Variants in LDHAL6A observed in about 807,000 individuals in gnomAD.
LDHAL6A encodes lactate dehydrogenase A like 6A, also known as L-lactate dehydrogenase A-like 6A.
In LDHAL6A, 19 loss-of-function variants were observed where a neutral mutation model predicts 28.2. The ratio of observed to expected loss-of-function variants is 0.67; its 90% confidence interval spans 0.47 to 0.99. LDHAL6A has a LOEUF of 0.99. LDHAL6A is among the 50% of genes least tolerant of loss of function. LDHAL6A has a pLI of 0.00. For missense variants in LDHAL6A, 372 were observed against 398.6 expected (o/e 0.93, Z 0.57); for synonymous variants, 144 against 134.4 (o/e 1.07, Z -0.49).
chr11:18,471,461 T>C (rs1388045176), intron 3 of LDHAL6A, among the ~76,000 whole-genome samples: 1 of 151,404 alleles, frequency 6.6e-6, no homozygotes, highest in Non-Finnish European at 1.5e-5. Flanking sequence ...CTACCCACCT[T>C]GACCTCCCGA....
chr11:18,467,969 GTA>G (rs1196445004), intron 3 of LDHAL6A, among the ~76,000 whole-genome samples: 3 of 56,834 alleles, frequency 5.3e-5, no homozygotes, highest in Non-Finnish European at 8.3e-5. Flanking sequence ...ATATATATAC[GTA>G]TATATATACG....
At chr11:18,469,853 A>G (rs190956390) in intron 3 of LDHAL6A, among the ~76,000 whole-genome samples, 1 of 152,288 alleles carries the variant, frequency 6.6e-6, no homozygotes, top group Non-Finnish European at 1.5e-5. Flanking sequence ...AAAAACAAAA[A>G]CTGACAACTT....
At chr11:18,465,206 C>T (rs1337116075) in intron 2 of LDHAL6A, among the ~76,000 whole-genome samples, 1 of 151,664 alleles carries the variant, frequency 6.6e-6, no homozygotes, top group Non-Finnish European at 1.5e-5. Flanking sequence ...GATCTTGGCT[C>T]ACTGCCTCCA....
intron 1 of LDHAL6A, among the ~76,000 whole-genome samples, chr11:18,460,832 T>C (rs1196345719): frequency 6.6e-6 from 1 of 152,190 alleles, no homozygotes; most frequent in Non-Finnish European, 1.5e-5. Context: ...GCTTGGTTAT[T>C]TCTTTCCTTT....
At position 18,456,735 on chromosome 11, in the gene LDHAL6A, C is replaced by T. The variant is rs2133856863; in HGVS notation, c.55C>T (p.His19Tyr). Residue 19 changes from histidine (H) to tyrosine (Y), a missense_variant, in exon 1 of 7, where the codon CAT becomes TAT. His to Tyr is a moderately conservative substitution (Grantham distance 83, BLOSUM62 2). Transcript: ENST00000280706. ...IKNFAEEEAI[H>Y]HNKISIVGTG... The stretch of plus-strand genomic sequence containing the variant: ...GAATTTCGCGGAAGAGGAGGCCATT[C>T]ATCACAATAAGATCTCCATTGTAGG... 1.9e-6 allele frequency: 3 copies of T among 1,613,508 alleles called. No individual in the cohort carries two copies. In the South Asian group the frequency reaches 3.3e-5, roughly 18 times the overall value.
chr11:18,460,346 C>A (rs1383498525), intron 1 of LDHAL6A, among the ~76,000 whole-genome samples: 1 of 151,962 alleles, frequency 6.6e-6, no homozygotes, highest in Non-Finnish European at 1.5e-5. Flanking sequence ...AATCCCAGCA[C>A]TTTGGGAGGC....
chr11:18,459,410 G>C (rs1848840867), intron 1 of LDHAL6A, among the ~76,000 whole-genome samples: 1 of 152,178 alleles, frequency 6.6e-6, no homozygotes, highest in East Asian at 1.9e-4. Flanking sequence ...CGGGCCTTTG[G>C]CTACAGACTG....
chr11:18,470,528 T>G (rs1849232243), intron 3 of LDHAL6A, among the ~76,000 whole-genome samples: 1 of 152,224 alleles, frequency 6.6e-6, no homozygotes, highest in Non-Finnish European at 1.5e-5. Flanking sequence ...TAGAAGTTCT[T>G]AAGTTCCTTT....
intron 3 of LDHAL6A, among the ~76,000 whole-genome samples, chr11:18,474,627 T>A (rs959757420): frequency 6.6e-6 from 1 of 152,118 alleles, no homozygotes; most frequent in African/African-American, 2.4e-5. Context: ...CCTCAGGTAA[T>A]CCACTGGCTT....
intron 2 of LDHAL6A, among the ~76,000 whole-genome samples, chr11:18,464,977 G>GTTTTGTT (rs1849014648): frequency 1.6e-5 from 2 of 125,490 alleles, no homozygotes; most frequent in African/African-American, 6.7e-5. Flanking sequence ...TGTTTTTTTT[G>GTTTTGTT]TTTTTTTTTG....
At chr11:18,475,415 A>C in intron 3 of LDHAL6A, 51 bp from the exon 4 acceptor site, 1 of 1,413,884 alleles carries the variant, frequency 7.1e-7, no homozygotes, top group East Asian at 2.3e-5. Flanking sequence ...AATCTAAAAA[A>C]CATATCCTTG....
At chr11:18,457,997 T>C (rs1848803500) in intron 1 of LDHAL6A, among the ~76,000 whole-genome samples, 1 of 152,156 alleles carries the variant, frequency 6.6e-6, no homozygotes. Context: ...GTAATATATA[T>C]AGAAAAGCTT....
intron 1 of LDHAL6A, among the ~76,000 whole-genome samples, chr11:18,460,631 A>AT (rs1339269918): frequency 2.0e-5 from 3 of 151,222 alleles, no homozygotes; most frequent in African/African-American, 7.3e-5. Context: ...GCGGTGGTAC[A>AT]TGCTAGTAGT....
intron 3 of LDHAL6A, among the ~76,000 whole-genome samples, chr11:18,469,476 T>A (rs1370738747): frequency 1.3e-5 from 2 of 152,184 alleles, no homozygotes; most frequent in Non-Finnish European, 2.9e-5. Flanking sequence ...AAAGAATATT[T>A]AATTTATTGA....
chr11:18,473,390 TAGACAGACAGAC>T (rs34670581), intron 3 of LDHAL6A, among the ~76,000 whole-genome samples: 1 of 151,628 alleles, frequency 6.6e-6, no homozygotes, highest in Non-Finnish European at 1.5e-5. Flanking sequence ...GGTAGGTAGG[TAGACAGACAGAC>T]AGACAGACAG....
rs67628824 is a variant in LDHAL6A at position 18,464,977 on chromosome 11, G to GTTTTTTTTTTTTTTTTTTTTTTTTT, written c.245-651_245-650insTTTTTTTTTTTTTTTTTTTTTTTTT. 1.6e-3 allele frequency among the ~76,000 whole-genome samples: 196 copies of GTTTTTTTTTTTTTTTTTTTTTTTTT among 125,434 alleles called. 26 individuals carry two copies. The highest frequency in any genetic ancestry group is 2.0e-3 in the South Asian group (8 of 4,034). 82.3% of individuals were successfully genotyped at this position (125,434 alleles called of 152,430 possible). On this transcript the variant is annotated intron_variant, in intron 2 of 6. Coordinates refer to ENST00000280706, the MANE Select transcript of LDHAL6A (RefSeq NM_144972.5). ...TTTTAGGAGGTGAGGTGTTTTTTTT[G>GTTTTTTTTTTTTTTTTTTTTTTTTT]TTTTTTTTTGTTTTGTTTTGTTTTG... is the stretch of plus-strand genomic sequence containing the variant.
intron 5 of LDHAL6A, 27 bp downstream of exon 5, chr11:18,476,528 T>A (rs1244508811): frequency 1.9e-6 from 3 of 1,610,542 alleles, no homozygotes; most frequent in Admixed American, 1.7e-5. Flanking sequence ...ACATTTTCAG[T>A]ACCTTAGAAG....
At chr11:18,471,020 C>T (rs543668862) in intron 3 of LDHAL6A, among the ~76,000 whole-genome samples, 2 of 152,094 alleles carry the variant, frequency 1.3e-5, no homozygotes, top group South Asian at 4.2e-4. Flanking sequence ...CAGTAACTGA[C>T]CTACTGCAGT....
At chr11:18,469,030 A>G (rs530290949) in intron 3 of LDHAL6A, 4 of 405,878 alleles carry the variant, frequency 9.9e-6, no homozygotes, top group African/African-American at 4.1e-5. Context: ...CTGATGATAC[A>G]TTATCACATT....
Sources: gnomAD v4.1 joint callset for allele counts (sites outside exome capture counted in the v4.1 genomes callset) on GRCh38, gnomAD v4.1.1 for gene constraint, MANE v1.5 for transcripts, NCBI Gene and HGNC (gene_info 2026-07-23, HGNC 2026-07-21) for gene names.